CUL3: variants seen among roughly 807,000 people sequenced by gnomAD.
CUL3 encodes cullin 3.
CUL3 carries 19 observed loss-of-function variants against 89.1 expected under a neutral mutation model. The ratio of observed to expected loss-of-function variants is 0.21; its 90% CI spans 0.15 to 0.31. The LOEUF (loss-of-function observed/expected upper bound fraction) is 0.31. CUL3 is among the 10% of genes least tolerant of loss of function. The pLI is 1.00. For missense variants in CUL3, 469 were observed against 942.3 expected (o/e 0.50, Z 6.58); for synonymous variants, 351 against 308.4 (o/e 1.14, Z -1.45).
rs1252941756 is a variant in CUL3 at position 224,472,643 on chromosome 2, T to C, written c.*1602A>G. Reference sequence around the variant, plus strand: ...CATGTAGAAGTGGAAAATGTAGAGATAAAGAGCACAAGGCTTGTAATTCTA... The same window carrying C: ...CATGTAGAAGTGGAAAATGTAGAGACAAAGAGCACAAGGCTTGTAATTCTA... On this transcript the variant is annotated 3_prime_UTR_variant, in exon 16 of 16. Transcript: ENST00000264414. 3 of 190,240 alleles carry C rather than the reference T, an allele frequency of 1.6e-5. No homozygotes were observed. The highest frequency in any genetic ancestry group is 3.3e-5 in the Non-Finnish European group (3 of 90,490). The allele number at this position is 190,240 out of a possible 1,614,324, so 11.8% of individuals were successfully genotyped here. A position where few individuals can be genotyped will look rare whatever the true frequency, so the allele number is the denominator to read the frequency against.
intron 1 of CUL3, chr2:224,560,378 C>T (rs1235998430): frequency 6.6e-6 from 1 of 152,200 alleles, no homozygotes; most frequent in South Asian, 2.1e-4. Flanking sequence ...ATGCCAGAGT[C>T]ATATATCCAG....
intron 12 of CUL3, among the ~76,000 whole-genome samples, chr2:224,497,125 C>T (rs1205770442): frequency 6.6e-6 from 1 of 152,024 alleles, no homozygotes; most frequent in Non-Finnish European, 1.5e-5. Context: ...AGCTTATTTG[C>T]CTCCTAGATG....
At chr2:224,531,700 T>C (rs974186430) in intron 3 of CUL3, among the ~76,000 whole-genome samples, 11 of 151,166 alleles carry the variant, frequency 7.3e-5, no homozygotes, top group Admixed American at 7.2e-4. Flanking sequence ...TTACCAGAAA[T>C]ATAAGGTAAG....
At position 224,531,533 on chromosome 2, in the gene CUL3, A is replaced by C. The variant is rs1009992508; in HGVS notation, c.378+3995T>G. Among the ~76,000 whole-genome samples, 3 of 146,142 alleles carry C rather than the reference A, an allele frequency of 2.1e-5. No homozygotes were observed. In the Admixed American group the frequency reaches 2.1e-4, roughly 10 times the overall value. On this transcript the variant is annotated intron_variant, in intron 3 of 15. Coordinates refer to ENST00000264414, the MANE Select transcript of CUL3 (RefSeq NM_003590.5). ...GAGCTGTGGTAGGTATTAAAGACAT[A>C]ATAGTACACAAACACTGTTTCCATC...
chr2:224,584,805 G>T (rs1695539195), intron 1 of CUL3, 139 bp downstream of exon 1: 1 of 400,026 alleles, frequency 2.5e-6, no homozygotes, highest in Non-Finnish European at 3.5e-6. Flanking sequence ...TGCCGGGAAG[G>T]CTCGCGCCCC....
chr2:224,529,861 T>C (rs147725263), intron 3 of CUL3, among the ~76,000 whole-genome samples: 1 of 152,322 alleles, frequency 6.6e-6, no homozygotes, highest in Admixed American at 6.5e-5. Flanking sequence ...ATGTAACCTG[T>C]GACTTTATTT....
At chr2:224,583,349 G>A (rs768278531) in intron 1 of CUL3, among the ~76,000 whole-genome samples, 13 of 152,046 alleles carry the variant, frequency 8.6e-5, no homozygotes, top group South Asian at 2.1e-4. Flanking sequence ...CAACAGGAGC[G>A]AAACTCTTGT....
At chr2:224,483,138 A>G (rs1389724867) in intron 13 of CUL3, among the ~76,000 whole-genome samples, 2 of 152,208 alleles carry the variant, frequency 1.3e-5, no homozygotes, top group African/African-American at 4.8e-5. Flanking sequence ...GACATTTCAA[A>G]TAGTATAAAT....
intron 14 of CUL3, among the ~76,000 whole-genome samples, chr2:224,481,463 G>C (rs1018474106): frequency 2.0e-5 from 3 of 151,916 alleles, no homozygotes; most frequent in African/African-American, 7.2e-5. Flanking sequence ...TGGGTTTTAA[G>C]ATTTTGAAAC....
At chr2:224,553,243 C>T (rs776114328) in intron 2 of CUL3, among the ~76,000 whole-genome samples, 20 of 152,112 alleles carry the variant, frequency 1.3e-4, no homozygotes, top group Admixed American at 8.5e-4. Flanking sequence ...AACAAAAGCA[C>T]AGAAACTAGC....
intron 11 of CUL3, 43 bp downstream of exon 11, chr2:224,500,320 C>T (rs1559348420): frequency 6.3e-7 from 1 of 1,597,258 alleles, no homozygotes; most frequent in South Asian, 1.1e-5. Flanking sequence ...TAATTTTGAA[C>T]ACTTACTTGT....
intron 3 of CUL3, among the ~76,000 whole-genome samples, chr2:224,517,648 A>T (rs555870556): frequency 5.3e-5 from 8 of 152,338 alleles, no homozygotes; most frequent in African/African-American, 1.9e-4. Context: ...CCTGGATGAC[A>T]CAGCAAGACC....
At chr2:224,545,568 T>C (rs1694263492) in intron 2 of CUL3, among the ~76,000 whole-genome samples, 1 of 152,192 alleles carries the variant, frequency 6.6e-6, no homozygotes, top group South Asian at 2.1e-4. Flanking sequence ...GGTCCTATTA[T>C]CAGATATCAA....
chr2:224,513,678 AT>A, intron 4 of CUL3, 40 bp from the exon 5 acceptor site: 1 of 1,338,636 alleles, frequency 7.5e-7, no homozygotes, highest in South Asian at 1.3e-5. Context: ...ATTAAATTAC[AT>A]TTAAAAATTC....
chr2:224,571,193 A>G (rs1404247225), intron 1 of CUL3, among the ~76,000 whole-genome samples: 1 of 152,156 alleles, frequency 6.6e-6, no homozygotes, highest in Non-Finnish European at 1.5e-5. Context: ...AAAACACAGT[A>G]GTCATCATAA....
rs1692632088 is a variant in CUL3 at position 224,507,138 on chromosome 2, A to G, written c.884-135T>C. 4 of 612,614 alleles carry G rather than the reference A, an allele frequency of 6.5e-6. No individual in the cohort carries two copies. The South Asian group carries it at 1.4e-4, about 21-fold the overall frequency. 37.9% of individuals were successfully genotyped at this position (612,614 alleles called of 1,614,324 possible). ...TGCTGACCACATGACTATTAAAAAT[A>G]TACATATATTGATATGAAAACATGA... On this transcript the variant is annotated intron_variant, in intron 6 of 15. Transcript: ENST00000264414.
chr2:224,478,496 T>C lies in CUL3; in HGVS notation c.2030-151A>G, dbSNP rs183124012. The C allele has an allele frequency of 2.1e-4, 117 of 555,196 alleles. 2 individuals carry two copies. In the South Asian group the frequency reaches 3.9e-3, roughly 18 times the overall value. 34.4% of individuals were successfully genotyped at this position (555,196 alleles called of 1,614,324 possible). A position where few individuals can be genotyped will look rare whatever the true frequency, so the allele number is the denominator to read the frequency against. ...TTAATTCAAGTACGCATTCAGAAAC[T>C]GTCTTAATGTTTACTTGAATACTAA... On this transcript the variant is annotated intron_variant, in intron 14 of 15. Transcript: ENST00000264414.
Position 224,472,932 on chromosome 2 carries a change from T to G in CUL3, c.*1313A>C, listed in dbSNP as rs1259901812. On this transcript the variant is annotated 3_prime_UTR_variant, in exon 16 of 16. Transcript: ENST00000264414. ...TTCATTTTTCTATCCAACAGAAATC[T>G]ATAGTGGTTTGCCCCATTACATATC... is the stretch of plus-strand genomic sequence containing the variant. The G allele has an allele frequency of 4.7e-6, 1 of 211,284 alleles. No individual in the cohort carries two copies. Among genetic ancestry groups the G allele is most frequent in the African/African-American group, 2.3e-5 (1 of 44,172 alleles). 13.1% of individuals were successfully genotyped at this position (211,284 alleles called of 1,614,324 possible). A position where few individuals can be genotyped will look rare whatever the true frequency, so the allele number is the denominator to read the frequency against.
At chr2:224,538,487 G>A (rs1444006371) in intron 2 of CUL3, among the ~76,000 whole-genome samples, 2 of 152,140 alleles carry the variant, frequency 1.3e-5, no homozygotes, top group Non-Finnish European at 2.9e-5. Context: ...GAAATATGGT[G>A]GGAGGGATAA....
Sources: gnomAD v4.1 joint callset for allele counts (sites outside exome capture counted in the v4.1 genomes callset) on GRCh38, gnomAD v4.1.1 for gene constraint, MANE v1.5 for transcripts, NCBI Gene and HGNC (gene_info 2026-07-23, HGNC 2026-07-21) for gene names.